KLF7: variants seen among roughly 807,000 people sequenced by gnomAD.
The protein encoded by KLF7 is Krueppel-like factor 7.
KLF7 carries 2 observed loss-of-function variants against 27.3 expected under a neutral mutation model. The ratio of observed to expected loss-of-function variants is 0.07; its 90% confidence interval spans 0.03 to 0.23. KLF7 has a LOEUF of 0.23. Among genes scored for constraint, KLF7 ranks in the 10% least tolerant of loss-of-function variants. The pLI, the probability that KLF7 is intolerant of heterozygous loss-of-function variation, is 1.00. For synonymous variants in KLF7, 165 were observed against 162.4 expected (o/e 1.02, Z -0.12); for missense variants, 221 against 394.1 (o/e 0.56, Z 3.72).
At chr2:207,129,819 A>G (rs1303744629) in intron 1 of KLF7, among the ~76,000 whole-genome samples, 1 of 152,160 alleles carries the variant, frequency 6.6e-6, no homozygotes, top group Admixed American at 6.5e-5. Context: ...GTAATCCACT[A>G]TTATCATTAT....
Position 207,135,307 on chromosome 2 carries a change from T to C in KLF7, c.103-10903A>G, listed in dbSNP as rs550560589. Among the ~76,000 whole-genome samples the C allele has an allele frequency of 1.6e-3, 216 of 137,612 alleles. 1 individual carries two copies. The highest frequency in any genetic ancestry group is 2.2e-3 in the Non-Finnish European group (134 of 60,942). The allele number at this position is 137,612 out of a possible 152,430, so 90.3% of individuals were successfully genotyped here. ...GAACTGATAGATAGCTCTGCTGTCA[T>C]TGAGTGGTTAAAAAAAAAAAGGGTT... On this transcript the variant is annotated intron_variant, in intron 1 of 3. Coordinates refer to ENST00000309446, the MANE Select transcript of KLF7 (RefSeq NM_003709.4).
At chr2:207,144,233 T>C (rs921490985) in intron 1 of KLF7, among the ~76,000 whole-genome samples, 4 of 151,336 alleles carry the variant, frequency 2.6e-5, no homozygotes, top group African/African-American at 7.3e-5. Flanking sequence ...TCATTTGGCA[T>C]AGACTTCCAA....
In KLF7 at chr2:207,080,013, A is replaced by T. The variant is rs2076241144; in HGVS notation, c.*1200T>A. 6.6e-6 allele frequency: 1 copy of T among 152,176 alleles called. No homozygotes were observed. The highest frequency in any genetic ancestry group is 2.1e-4 in the South Asian group (1 of 4,826). 9.4% of individuals were successfully genotyped at this position (152,176 alleles called of 1,614,324 possible). On this transcript the variant is annotated 3_prime_UTR_variant, in exon 4 of 4. Coordinates refer to ENST00000309446, the MANE Select transcript of KLF7 (RefSeq NM_003709.4). The stretch of plus-strand genomic sequence containing the variant: ...TATTTTTGGCTTTTTGTCAGGTCAT[A>T]AACCAGAGTTAAATTAAATACGCAG...
At chr2:207,155,151 T>G (rs572006595) in intron 1 of KLF7, among the ~76,000 whole-genome samples, 37 of 152,280 alleles carry the variant, frequency 2.4e-4, no homozygotes, top group African/African-American at 8.7e-4. Context: ...AGCTTTTCCA[T>G]CTGTAAAATG....
intron 3 of KLF7, 126 bp from the exon 4 acceptor site, chr2:207,081,390 C>G: frequency 1.2e-6 from 1 of 854,754 alleles, no homozygotes; most frequent in Non-Finnish European, 2.0e-6. Context: ...GAAACAGGGC[C>G]ATGTGTTGGG....
At chr2:207,166,889 C>T (rs1280496967), upstream of KLF7, 2 of 1,071,668 alleles carry the variant, frequency 1.9e-6, no homozygotes, top group African/African-American at 1.7e-5. Context: ...AGCGAGACCG[C>T]GGCCTGCGCC....
At chr2:207,157,930 A>G (rs1254976859) in intron 1 of KLF7, among the ~76,000 whole-genome samples, 1 of 152,154 alleles carries the variant, frequency 6.6e-6, no homozygotes, top group Non-Finnish European at 1.5e-5. Flanking sequence ...CCGTGGAAGA[A>G]GTTGATGAGT....
In KLF7 at chr2:207,165,576, C is replaced by G. The variant is rs370871050; in HGVS notation, c.-8G>C. ...ACTAGCCAACACGTCCATGCTGCTG[C>G]TGCCGGGCAAAACGGGAGGCGAAAC... On this transcript the variant is annotated 5_prime_UTR_variant, in exon 1 of 4. Transcript: ENST00000309446. The G allele has an allele frequency of 4.8e-5, 78 of 1,613,344 alleles. No individual in the cohort carries two copies. In the African/African-American group the frequency reaches 9.7e-4, roughly 20 times the overall value.
At chr2:207,083,378 A>T (rs1574412395) in intron 3 of KLF7, among the ~76,000 whole-genome samples, 1 of 152,320 alleles carries the variant, frequency 6.6e-6, no homozygotes, top group East Asian at 1.9e-4. Context: ...CTGGAGAAAG[A>T]AGATCCAAGT....
upstream of KLF7, chr2:207,166,448 G>C (rs2078714055): frequency 6.5e-6 from 1 of 152,918 alleles, no homozygotes; most frequent in African/African-American, 2.4e-5. Context: ...CTCCCGGGAC[G>C]GCTGGGCTCG....
At chr2:207,085,881 C>T (rs1432715797) in intron 3 of KLF7, among the ~76,000 whole-genome samples, 3 of 151,294 alleles carry the variant, frequency 2.0e-5, no homozygotes, top group Non-Finnish European at 4.4e-5. Context: ...CATCCAATTA[C>T]AGCCACATGG....
At chr2:207,102,229 C>G (rs2076784066) in intron 2 of KLF7, among the ~76,000 whole-genome samples, 1 of 151,872 alleles carries the variant, frequency 6.6e-6, no homozygotes, top group South Asian at 2.1e-4. Context: ...TAGAAACACC[C>G]CCACACAATC....
At chr2:207,088,024 G>C (rs2076430870) in intron 3 of KLF7, among the ~76,000 whole-genome samples, 1 of 152,064 alleles carries the variant, frequency 6.6e-6, no homozygotes, top group South Asian at 2.1e-4. Context: ...ATAGTGATAG[G>C]AACCCTAACC....
chr2:207,158,461 C>T (rs2078451154), intron 1 of KLF7, among the ~76,000 whole-genome samples: 2 of 152,166 alleles, frequency 1.3e-5, no homozygotes, highest in South Asian at 4.1e-4. Flanking sequence ...AAGTTTCGGG[C>T]ACTCTCTTTG....
At chr2:207,105,843 A>G (rs967972690) in intron 2 of KLF7, among the ~76,000 whole-genome samples, 52 of 152,290 alleles carry the variant, frequency 3.4e-4, no homozygotes, top group Admixed American at 3.0e-3. Context: ...AGTCTCCTAG[A>G]CCCTAGCACA....
intron 2 of KLF7, among the ~76,000 whole-genome samples, chr2:207,118,141 G>A (rs905552853): frequency 1.3e-5 from 2 of 152,120 alleles, no homozygotes; most frequent in African/African-American, 4.8e-5. Context: ...CTTTTTTGTT[G>A]TTGTGGTTCC....
At chr2:207,158,555 C>T (rs1185690501) in intron 1 of KLF7, among the ~76,000 whole-genome samples, 1 of 152,134 alleles carries the variant, frequency 6.6e-6, no homozygotes, top group Non-Finnish European at 1.5e-5. Context: ...AACCCCCTAC[C>T]ACATATGCCC....
upstream of KLF7, chr2:207,167,011 G>T: frequency 1.1e-6 from 1 of 876,616 alleles, no homozygotes; most frequent in Non-Finnish European, 1.5e-6. Context: ...GGAGTCCGGC[G>T]GCTAGAGTTG....
chr2:207,168,864 A>C (rs190710979), upstream of KLF7, among the ~76,000 whole-genome samples: 1 of 152,374 alleles, frequency 6.6e-6, no homozygotes, highest in East Asian at 1.9e-4. Context: ...ATCCAGATGT[A>C]CAAAGTAATC....
Sources: allele counts gnomAD v4.1 joint callset (sites outside exome capture counted in the v4.1 genomes callset), GRCh38; gene constraint gnomAD v4.1.1; transcripts MANE v1.5; gene names NCBI Gene and HGNC (gene_info 2026-07-23, HGNC 2026-07-21).